The following PDE4D variants were observed in gnomAD, a reference collection of about 807,000 sequenced individuals.
PDE4D encodes the protein phosphodiesterase 4D, also known as 3',5'-cyclic-AMP phosphodiesterase 4D.
A neutral mutation model predicts 87.4 loss-of-function variants in PDE4D; 24 were observed. That is an observed-to-expected ratio of 0.27 (90% confidence interval 0.20 to 0.39). PDE4D has a LOEUF of 0.39. PDE4D is among the 10% of genes least tolerant of loss of function. The pLI is 1.00. For missense variants in PDE4D, 714 were observed against 1,041.0 expected, an observed-to-expected ratio of 0.69 and a Z score of 4.32; for synonymous variants, 384 against 383.2, an observed-to-expected ratio of 1.00 and a Z score of -0.02.
intron 1 of PDE4D, among the ~76,000 whole-genome samples, chr5:59,839,834 A>G (rs981414047): frequency 6.6e-6 from 1 of 152,098 alleles, no homozygotes; most frequent in Admixed American, 6.5e-5. Flanking sequence ...TTGCATCCAT[A>G]GAAATACAGT....
At chr5:60,282,206 A>ATAT (rs1304970366) in intron 1 of PDE4D, among the ~76,000 whole-genome samples, 6 of 74,902 alleles carry the variant, frequency 8.0e-5, no homozygotes, top group African/African-American at 4.3e-4. Flanking sequence ...GAGAGAAATA[A>ATAT]ACATATATAT....
At position 58,991,725 on chromosome 5, in the gene PDE4D, AAAAC is replaced by A. The variant is rs201829321; in HGVS notation, c.1188+103_1188+106del. 240 of 633,402 alleles carry A rather than the reference AAAAC, an allele frequency of 3.8e-4. 1 individual carries two copies. The highest frequency in any genetic ancestry group is 1.2e-3 in the Admixed American group (15 of 12,758). The allele number at this position is 633,402 out of a possible 1,614,324, so 39.2% of individuals were successfully genotyped here. A position where few individuals can be genotyped will look rare whatever the true frequency, so the allele number is the denominator to read the frequency against. ...CCCATCTTCAAAAAAAGAAAAAAAA[AAAAC>A]CCCAATTAATAAACTTTTCTATCCA... On this transcript the variant is annotated intron_variant, in intron 8 of 14. Transcript: ENST00000340635.
intron 11 of PDE4D, among the ~76,000 whole-genome samples, chr5:58,984,530 G>A (rs902249769): frequency 2.0e-5 from 3 of 152,136 alleles, no homozygotes; most frequent in African/African-American, 7.2e-5. Flanking sequence ...TATTTTGAAG[G>A]TGTGGGTTTA....
chr5:60,117,936 CT>C (rs1431163664), intron 2 of PDE4D, among the ~76,000 whole-genome samples: 4 of 152,026 alleles, frequency 2.6e-5, no homozygotes, highest in Admixed American at 6.6e-5. Context: ...TCACACCACT[CT>C]GCTGAAATCT....
chr5:59,682,730 G>T (rs1251137801), intron 1 of PDE4D, among the ~76,000 whole-genome samples: 4 of 152,046 alleles, frequency 2.6e-5, no homozygotes, highest in African/African-American at 9.7e-5. Flanking sequence ...CAGAAAATCT[G>T]CTTAGCACAG....
chr5:59,511,006 A>G (rs909900601), intron 1 of PDE4D, among the ~76,000 whole-genome samples: 1 of 152,016 alleles, frequency 6.6e-6, no homozygotes, highest in Non-Finnish European at 1.5e-5. Context: ...AAATAAGATT[A>G]ATAAGTAAGT....
intron 5 of PDE4D, among the ~76,000 whole-genome samples, chr5:59,177,493 G>A (rs191225485): frequency 2.0e-5 from 3 of 152,312 alleles, no homozygotes; most frequent in East Asian, 1.9e-4. Flanking sequence ...CATCATGCGT[G>A]TTCACTCATT....
chr5:59,825,618 G>A (rs1383750308), intron 1 of PDE4D, among the ~76,000 whole-genome samples: 1 of 152,152 alleles, frequency 6.6e-6, no homozygotes. Flanking sequence ...TGTCTCATCT[G>A]ATGACATTAA....
At chr5:59,055,022 A>G (rs1226226506) in intron 5 of PDE4D, among the ~76,000 whole-genome samples, 1 of 152,180 alleles carries the variant, frequency 6.6e-6, no homozygotes, top group Non-Finnish European at 1.5e-5. Flanking sequence ...GAGTTTTCTC[A>G]GGGTACTACA....
chr5:59,711,462 T>A (rs770579615), intron 1 of PDE4D, among the ~76,000 whole-genome samples: 20 of 152,182 alleles, frequency 1.3e-4, no homozygotes, highest in Non-Finnish European at 2.4e-4. Flanking sequence ...TGTTGCATAA[T>A]CTTTCAATTC....
At chr5:59,283,276 A>G (rs1212452030) in intron 1 of PDE4D, among the ~76,000 whole-genome samples, 2 of 152,170 alleles carry the variant, frequency 1.3e-5, no homozygotes, top group African/African-American at 2.4e-5. Flanking sequence ...CTAGTATTTG[A>G]TTTAAAATAA....
intron 2 of PDE4D, among the ~76,000 whole-genome samples, chr5:60,046,488 A>G (rs11745829): frequency 0.31 from 47,698 of 151,770 alleles, 8,047 homozygotes; most frequent in East Asian, 0.74. Context: ...ATTCAGTATG[A>G]TATTGGCTGT....
At chr5:60,498,034 T>A (rs1471260671) in intron 1 of PDE4D, among the ~76,000 whole-genome samples, 1 of 152,194 alleles carries the variant, frequency 6.6e-6, no homozygotes, top group Non-Finnish European at 1.5e-5. Flanking sequence ...AGCAGTTGTT[T>A]AGCCGAAAAG....
intron 1 of PDE4D, among the ~76,000 whole-genome samples, chr5:59,337,192 T>C (rs1582032656): frequency 1.3e-5 from 2 of 152,254 alleles, no homozygotes; most frequent in South Asian, 4.2e-4. Context: ...AACTAGCCCA[T>C]TCTGAGCTTG....
At chr5:59,805,118 C>T (rs1767594962) in intron 1 of PDE4D, among the ~76,000 whole-genome samples, 1 of 152,140 alleles carries the variant, frequency 6.6e-6, no homozygotes, top group Non-Finnish European at 1.5e-5. Context: ...ATCTACAATA[C>T]ATTTGAAACA....
intron 3 of PDE4D, among the ~76,000 whole-genome samples, chr5:59,931,642 C>T (rs1350526095): frequency 6.6e-6 from 1 of 151,580 alleles, no homozygotes; most frequent in Non-Finnish European, 1.5e-5. Flanking sequence ...CCTCATGACC[C>T]AATCACCTCT....
rs185356525 is a variant in PDE4D, at chr5:59,496,491, A to G, written c.456-280523T>C. Among the ~76,000 whole-genome samples, 91 of 152,192 alleles carry G rather than the reference A, an allele frequency of 6.0e-4. 1 individual carries two copies. The East Asian group carries it at 0.017, about 29-fold the overall frequency. ...TACCCAGCACTTCCCAGCATCCCTT[A>G]CATATCAACTACTGGGTTCCCCAGT... On this transcript the variant is annotated intron_variant, in intron 1 of 14. Transcript: ENST00000340635.
At chr5:60,507,946 GCC>G (rs1447753185) in intron 1 of PDE4D, among the ~76,000 whole-genome samples, 1 of 152,178 alleles carries the variant, frequency 6.6e-6, no homozygotes, top group Non-Finnish European at 1.5e-5. Flanking sequence ...CTCATTTTAA[GCC>G]GGGACTCCAA....
At chr5:59,880,809 A>T (rs527918139) in intron 1 of PDE4D, among the ~76,000 whole-genome samples, 2 of 152,286 alleles carry the variant, frequency 1.3e-5, no homozygotes, top group African/African-American at 4.8e-5. Flanking sequence ...AACAGACATA[A>T]ATTGTTTTCC....
Sources: gnomAD v4.1 joint callset for allele counts (sites outside exome capture counted in the v4.1 genomes callset) on GRCh38, gnomAD v4.1.1 for gene constraint, MANE v1.5 for transcripts, NCBI Gene and HGNC (gene_info 2026-07-23, HGNC 2026-07-21) for gene names.